TFCP2L1: variants seen among roughly 807,000 people sequenced by gnomAD.
TFCP2L1 encodes the protein transcription factor CP2 like 1.
In TFCP2L1, 12 loss-of-function variants were observed where a neutral mutation model predicts 72.2. The ratio of observed to expected loss-of-function variants is 0.17; its 90% CI spans 0.11 to 0.27. TFCP2L1 has a LOEUF of 0.27. TFCP2L1 is among the 10% of genes least tolerant of loss of function. The probability of loss-of-function intolerance (pLI) is 1.00; values close to 1 mark genes in which losing one functional copy is unlikely to be tolerated. For missense variants in TFCP2L1, 488 were observed against 624.6 expected (o/e 0.78, Z 2.33); for synonymous variants, 260 against 251.0 (o/e 1.04, Z -0.34).
intron 12 of TFCP2L1, among the ~76,000 whole-genome samples, chr2:121,232,532 A>C (rs6734261): frequency 0.41 from 62,976 of 152,104 alleles, 14,725 homozygotes; most frequent in Non-Finnish European, 0.53. Context: ...TGACACCCAG[A>C]TGGGCTGAAG....
At chr2:121,277,824 T>C (rs1687176233) in intron 2 of TFCP2L1, among the ~76,000 whole-genome samples, 1 of 152,116 alleles carries the variant, frequency 6.6e-6, no homozygotes, top group South Asian at 2.1e-4. Context: ...TATACAAACA[T>C]GTAGAAATAA....
At chr2:121,236,713 G>GCCACT (rs1039910551) in intron 10 of TFCP2L1, among the ~76,000 whole-genome samples, 4 of 151,912 alleles carry the variant, frequency 2.6e-5, no homozygotes, top group Admixed American at 2.6e-4. Flanking sequence ...TCCTCCCCGG[G>GCCACT]CCACTCCACT....
intron 2 of TFCP2L1, among the ~76,000 whole-genome samples, chr2:121,271,767 C>T (rs1006575126): frequency 4.6e-5 from 7 of 152,126 alleles, no homozygotes; most frequent in Non-Finnish European, 7.4e-5. Flanking sequence ...AAGTGATTTC[C>T]CTGGAGCAGA....
At chr2:121,228,772 C>CAA (rs59300568) in intron 13 of TFCP2L1, among the ~76,000 whole-genome samples, 20,668 of 58,244 alleles carry the variant, frequency 0.35, 5,395 homozygotes, top group Non-Finnish European at 0.43. Context: ...CCGTGACTCA[C>CAA]AAAAAAAAAA....
chr2:121,285,004 GCCGGC>G, intron 1 of TFCP2L1, 39 bp downstream of exon 1: 1 of 1,436,090 alleles, frequency 7.0e-7, no homozygotes, highest in Non-Finnish European at 9.1e-7. Context: ...CGCCCGGCCC[GCCGGC>G]CCGGCCCGAG....
chr2:121,239,510 C>T, intron 8 of TFCP2L1, 48 bp downstream of exon 8: 4 of 1,594,372 alleles, frequency 2.5e-6, no homozygotes, highest in Non-Finnish European at 3.4e-6. Context: ...AAGGAAAGTA[C>T]ACCTGCCTTC....
intron 2 of TFCP2L1, 131 bp from the exon 3 acceptor site, chr2:121,249,778 G>T (rs1686567325): frequency 1.2e-6 from 1 of 842,328 alleles, no homozygotes. Context: ...AAGCAGAGAA[G>T]AAAACCCACG....
intron 2 of TFCP2L1, among the ~76,000 whole-genome samples, chr2:121,275,412 A>AAAAAAAAAAAG: frequency 6.6e-6 from 1 of 150,918 alleles, no homozygotes; most frequent in African/African-American, 2.4e-5. Flanking sequence ...AAAAAAAAAA[A>AAAAAAAAAAAG]AAAGAAATAA....
At chr2:121,237,271 A>G (rs1686268747) in intron 10 of TFCP2L1, among the ~76,000 whole-genome samples, 1 of 152,194 alleles carries the variant, frequency 6.6e-6, no homozygotes, top group Admixed American at 6.5e-5. Flanking sequence ...TGTGAGGAGC[A>G]GTATTTGGGT....
intron 13 of TFCP2L1, among the ~76,000 whole-genome samples, chr2:121,226,601 A>C (rs546922571): frequency 1.3e-5 from 2 of 152,238 alleles, no homozygotes; most frequent in African/African-American, 4.8e-5. Flanking sequence ...GTGTCTATAA[A>C]TGTGGCAGGA....
chr2:121,283,931 G>A (rs779551543), intron 1 of TFCP2L1, among the ~76,000 whole-genome samples: 11 of 152,110 alleles, frequency 7.2e-5, no homozygotes, highest in Non-Finnish European at 1.2e-4. Flanking sequence ...TAAGGCTCTA[G>A]ACCTTTGCCA....
At chr2:121,244,545 C>T (rs1357040415) in intron 6 of TFCP2L1, among the ~76,000 whole-genome samples, 10 of 152,172 alleles carry the variant, frequency 6.6e-5, no homozygotes, top group African/African-American at 1.9e-4. Context: ...ACTGAGACCA[C>T]GCAGCTTCCA....
chr2:121,255,678 G>T (rs747715344), intron 2 of TFCP2L1, among the ~76,000 whole-genome samples: 1 of 151,990 alleles, frequency 6.6e-6, no homozygotes, highest in Non-Finnish European at 1.5e-5. Context: ...CCAATGTTTC[G>T]TTCTTGCAAA....
chr2:121,244,218 T>A (rs1190269170), intron 6 of TFCP2L1, among the ~76,000 whole-genome samples: 1 of 152,294 alleles, frequency 6.6e-6, no homozygotes, highest in East Asian at 1.9e-4. Flanking sequence ...TGGGCCTTGA[T>A]GAGGCCTGGA....
At position 121,282,082 on chromosome 2, in the gene TFCP2L1, G is replaced by T. The variant is rs1459398574; in HGVS notation, c.63-811C>A. Among the ~76,000 whole-genome samples the T allele has an allele frequency of 2.6e-5, 4 of 152,074 alleles. No homozygotes were observed. In the East Asian group the frequency reaches 5.8e-4, roughly 22 times the overall value. On this transcript the variant is annotated intron_variant, in intron 1 of 14. Coordinates refer to ENST00000263707, the MANE Select transcript of TFCP2L1 (RefSeq NM_014553.3). The stretch of plus-strand genomic sequence containing the variant: ...TGAGTAGCTGGGATTATAGGAATGA[G>T]CCACCACACCTGGCTAATTTTTGTA...
chr2:121,268,433 A>G (rs567900544), intron 2 of TFCP2L1, among the ~76,000 whole-genome samples: 1 of 152,140 alleles, frequency 6.6e-6, no homozygotes, highest in Admixed American at 6.6e-5. Flanking sequence ...GGCTCACTAC[A>G]GCCTCAACCT....
intron 10 of TFCP2L1, among the ~76,000 whole-genome samples, chr2:121,236,943 A>G (rs1297270709): frequency 1.3e-5 from 2 of 152,220 alleles, no homozygotes; most frequent in African/African-American, 4.8e-5. Flanking sequence ...TCCCAAGGAC[A>G]GGGACCCTCC....
At chr2:121,277,614 T>C (rs965768805) in intron 2 of TFCP2L1, among the ~76,000 whole-genome samples, 12 of 152,364 alleles carry the variant, frequency 7.9e-5, no homozygotes, top group Admixed American at 3.9e-4. Flanking sequence ...TTGTTCATCA[T>C]AATAGTATTT....
intron 1 of TFCP2L1, among the ~76,000 whole-genome samples, chr2:121,282,499 A>G (rs1458008952): frequency 1.3e-5 from 2 of 150,568 alleles, no homozygotes; most frequent in African/African-American, 4.9e-5. Flanking sequence ...TGGGCACCAT[A>G]GTGAGACCCC....
Sources: gnomAD v4.1 joint callset for allele counts (sites outside exome capture counted in the v4.1 genomes callset) on GRCh38, gnomAD v4.1.1 for gene constraint, MANE v1.5 for transcripts, NCBI Gene and HGNC (gene_info 2026-07-23, HGNC 2026-07-21) for gene names.